HPGD: variants seen among roughly 807,000 people sequenced by gnomAD.
HPGD encodes 15-hydroxyprostaglandin dehydrogenase, also known as 15-hydroxyprostaglandin dehydrogenase [NAD(+)].
HPGD carries 29 observed loss-of-function variants against 30.0 expected under a neutral mutation model. The ratio of observed to expected loss-of-function variants is 0.97; its 90% CI spans 0.72 to 1.32. The LOEUF (loss-of-function observed/expected upper bound fraction) is 1.32. Among genes scored for constraint, HPGD ranks in the 40% most tolerant of loss-of-function variants. The pLI is 0.00. For missense variants in HPGD, 340 were observed against 322.1 expected, an observed-to-expected ratio of 1.06 and a Z score of -0.43; for synonymous variants, 99 against 112.4, an observed-to-expected ratio of 0.88 and a Z score of 0.75.
At chr4:174,507,727 T>A (rs930225828) in intron 4 of HPGD, 1 of 170,762 alleles carries the variant, frequency 5.9e-6, no homozygotes, top group Non-Finnish European at 1.2e-5. Flanking sequence ...GATTTTTTCC[T>A]AGAGTTTTAA....
At chr4:174,522,651 A>G (rs1054401060), upstream of HPGD, 4 of 474,002 alleles carry the variant, frequency 8.4e-6, no homozygotes, top group Admixed American at 4.2e-5. Flanking sequence ...TGGAGCGCCA[A>G]GCTTCGCGAT....
chr4:174,501,824 C>G (rs1734914778), intron 4 of HPGD, among the ~76,000 whole-genome samples: 1 of 152,112 alleles, frequency 6.6e-6, no homozygotes, highest in Non-Finnish European at 1.5e-5. Flanking sequence ...ATTAGTTCTT[C>G]TATTCTTCAT....
rs1426602785 is a variant in HPGD at position 174,496,514 on chromosome 4, TTAA to T, written c.422-893_422-891del. On this transcript the variant is annotated intron_variant, in intron 4 of 6. Transcript: ENST00000296522. The surrounding 1 kb of genome is among the most constrained non-coding windows in gnomAD (Gnocchi z 4.6). ...TTATCAAGCTTATTTCTCAAAATTGTTAATTATCTAATCAGCAATCAAATTGAA... is the reference window on the plus strand; with the variant it reads ...TTATCAAGCTTATTTCTCAAAATTGTTTATCTAATCAGCAATCAAATTGAA... Among the ~76,000 whole-genome samples the T allele has an allele frequency of 6.6e-6, 1 of 152,244 alleles. No homozygotes were observed. Among genetic ancestry groups the T allele is most frequent in the African/African-American group, 2.4e-5 (1 of 41,466 alleles).
intron 3 of HPGD, among the ~76,000 whole-genome samples, chr4:174,513,683 C>T (rs1560986837): frequency 6.6e-6 from 1 of 151,312 alleles, no homozygotes; most frequent in Non-Finnish European, 1.5e-5. Flanking sequence ...CCATCAGCAA[C>T]AACAAATTTA....
rs1178603658 is a variant in HPGD, at chr4:174,494,146, C to G, written c.499-832G>C. The stretch of plus-strand genomic sequence containing the variant: ...TCCTTAGTGTAAGAAGACTGATGTC[C>G]TGTACAGAAAATATTTGTGTTAGAT... On this transcript the variant is annotated intron_variant, in intron 5 of 6. Coordinates refer to ENST00000296522, the MANE Select transcript of HPGD (RefSeq NM_000860.6). The surrounding 1 kb of genome is among the most constrained non-coding windows in gnomAD (Gnocchi z 4.9). 6.6e-6 allele frequency among the ~76,000 whole-genome samples: 1 copy of G among 152,076 alleles called. No individual in the cohort carries two copies. Among genetic ancestry groups the G allele is most frequent in the Non-Finnish European group, 1.5e-5 (1 of 68,024 alleles).
At chr4:174,508,631 A>T in intron 4 of HPGD, 65 bp downstream of exon 4, 1 of 911,378 alleles carries the variant, frequency 1.1e-6, no homozygotes, top group Non-Finnish European at 1.9e-6. Context: ...TGCTTTGAAG[A>T]TTTGTTTTTG....
chr4:174,518,121 T>G (rs757724337), intron 2 of HPGD, 44 bp from the exon 3 acceptor site: 7 of 954,036 alleles, frequency 7.3e-6, no homozygotes, highest in Admixed American at 7.1e-5. Flanking sequence ...TTATTTTCCA[T>G]GTATACATTT....
chr4:174,500,910 G>T (rs576554063), intron 4 of HPGD, among the ~76,000 whole-genome samples: 1 of 152,136 alleles, frequency 6.6e-6, no homozygotes, highest in Non-Finnish European at 1.5e-5. Flanking sequence ...CCTATTTATC[G>T]GTTCATCCAC....
chr4:174,509,432 C>T (rs1417132881), intron 3 of HPGD, among the ~76,000 whole-genome samples: 1 of 152,148 alleles, frequency 6.6e-6, no homozygotes, highest in Non-Finnish European at 1.5e-5. Flanking sequence ...TGGCTGGTTT[C>T]AGAGCCAGCA....
chr4:174,502,402 G>A (rs1032268964), intron 4 of HPGD, among the ~76,000 whole-genome samples: 1 of 151,812 alleles, frequency 6.6e-6, no homozygotes, highest in African/African-American at 2.4e-5. Flanking sequence ...CATGCGGCCG[G>A]GCGCGGTGGC....
chr4:174,497,568 C>CTTTTCTTTTTTTTTT (rs1553998366), intron 4 of HPGD, among the ~76,000 whole-genome samples: 19 of 51,104 alleles, frequency 3.7e-4, no homozygotes, highest in African/African-American at 1.1e-3. Context: ...CTTTTTCTTT[C>CTTTTCTTTTTTTTTT]TTTTTTTTTT....
In HPGD at chr4:174,492,511, T is replaced by G. The variant is rs997962376; in HGVS notation, c.663-417A>C. 5.9e-5 allele frequency among the ~76,000 whole-genome samples: 9 copies of G among 152,044 alleles called. No individual in the cohort carries two copies. The highest frequency in any genetic ancestry group is 1.2e-4 in the Non-Finnish European group (8 of 67,914). On this transcript the variant is annotated intron_variant, in intron 6 of 6. Transcript: ENST00000296522. The surrounding 1 kb of genome is among the most constrained non-coding windows in gnomAD (Gnocchi z 4.9). ...AGCTAGCATTTACTGAAAATTTTAT[T>G]TTTTACCAGTTACCATTTTAAGTAC... is the stretch of plus-strand genomic sequence containing the variant.
At chr4:174,520,381 C>G (rs1206914499) in intron 2 of HPGD, among the ~76,000 whole-genome samples, 1 of 152,184 alleles carries the variant, frequency 6.6e-6, no homozygotes, top group Admixed American at 6.5e-5. Context: ...CTCCAAGAAA[C>G]TTTTCATCTC....
In HPGD at chr4:174,518,095, T is replaced by C. The variant is rs1381344777; in HGVS notation, c.218-18A>G. ...AAAAGTGTCTAATTATAAAACAAGA[T>C]ATTAGTGATACATTCTTATTTTCCA... On this transcript the variant is annotated intron_variant, in intron 2 of 6. Coordinates refer to ENST00000296522, the MANE Select transcript of HPGD (RefSeq NM_000860.6). 2 of 1,126,548 alleles carry C rather than the reference T, an allele frequency of 1.8e-6. No homozygotes were observed. Among genetic ancestry groups the C allele is most frequent in the African/African-American group, 1.5e-5 (1 of 65,404 alleles). The allele number at this position is 1,126,548 out of a possible 1,614,324, so 69.8% of individuals were successfully genotyped here. A position where few individuals can be genotyped will look rare whatever the true frequency, so the allele number is the denominator to read the frequency against.
At chr4:174,515,559 T>C (rs1393868194) in intron 3 of HPGD, among the ~76,000 whole-genome samples, 1 of 151,926 alleles carries the variant, frequency 6.6e-6, no homozygotes, top group Non-Finnish European at 1.5e-5. Flanking sequence ...TCTGAAGACA[T>C]GCCATGGCAA....
intron 3 of HPGD, among the ~76,000 whole-genome samples, chr4:174,514,415 T>C (rs1735662200): frequency 6.6e-6 from 1 of 152,112 alleles, no homozygotes; most frequent in South Asian, 2.1e-4. Flanking sequence ...GGAGAAAAAG[T>C]TTTAAAAGAA....
Position 174,522,411 on chromosome 4 carries a change from G to C in HPGD, c.41C>G (p.Ala14Gly). Residue 14 changes from alanine to glycine, a missense_variant, in exon 1 of 7, where the codon GCT (alanine) becomes GGT (glycine). Transcript: ENST00000296522. ...NGKVALVTGAAQGIGRAFAEA... is the reference protein window; with the variant it reads ...NGKVALVTGAGQGIGRAFAEA... ...TGCAAAGGCTCTGCCTATGCCCTGA[G>C]CCGCGCCGGTCACCAGCGCCACTTT... 6.3e-7 allele frequency: 1 copy of C among 1,583,944 alleles called. No homozygotes were observed. Among genetic ancestry groups the C allele is most frequent in the Non-Finnish European group, 8.6e-7 (1 of 1,165,942 alleles).
At chr4:174,512,100 G>A (rs1185490656) in intron 3 of HPGD, among the ~76,000 whole-genome samples, 3 of 152,180 alleles carry the variant, frequency 2.0e-5, no homozygotes, top group African/African-American at 7.2e-5. Flanking sequence ...TGAAAAGTAA[G>A]GAGTAAATTT....
In HPGD at chr4:174,492,791, C is replaced by T. The variant is rs1734402506; in HGVS notation, c.662+360G>A. 1.3e-5 allele frequency among the ~76,000 whole-genome samples: 2 copies of T among 151,996 alleles called. No individual in the cohort carries two copies. Among genetic ancestry groups the T allele is most frequent in the Non-Finnish European group, 2.9e-5 (2 of 67,936 alleles). ...ATGTATGTGTGTGTATCAACTATTT[C>T]TTATAAAAGTGGTTGAAGTCATGGA... On this transcript the variant is annotated intron_variant, in intron 6 of 6. Coordinates refer to ENST00000296522, the MANE Select transcript of HPGD (RefSeq NM_000860.6). The surrounding 1 kb of genome is among the most constrained non-coding windows in gnomAD (Gnocchi z 4.9).
Sources: allele counts gnomAD v4.1 joint callset (sites outside exome capture counted in the v4.1 genomes callset), GRCh38; gene constraint gnomAD v4.1.1; non-coding constraint Gnocchi (gnomAD v3.1); transcripts MANE v1.5; gene names NCBI Gene and HGNC (gene_info 2026-07-23, HGNC 2026-07-21).